Variants in SDCCAG8 observed in about 807,000 individuals in gnomAD.
The protein encoded by SDCCAG8 is serologically defined colon cancer antigen 8.
In SDCCAG8, 74 loss-of-function variants were observed where a neutral mutation model predicts 101.8. The observed-to-expected ratio is 0.73, with a 90% confidence interval of 0.60 to 0.88. The LOEUF is 0.88. SDCCAG8 is among the 40% of genes least tolerant of loss of function. The pLI, the probability that SDCCAG8 is intolerant of heterozygous loss-of-function variation, is 0.00. For synonymous variants in SDCCAG8, 281 were observed against 292.9 expected (o/e 0.96, Z 0.41); for missense variants, 787 against 822.6 (o/e 0.96, Z 0.53).
chr1:243,483,698 A>T (rs1664236949), intron 16 of SDCCAG8, among the ~76,000 whole-genome samples: 2 of 152,038 alleles, frequency 1.3e-5, no homozygotes, highest in Non-Finnish European at 1.5e-5. Flanking sequence ...CATTTCCCAC[A>T]AACCGGCCAC....
chr1:243,260,378 G>T (rs554755886), intron 1 of SDCCAG8, among the ~76,000 whole-genome samples: 2 of 152,154 alleles, frequency 1.3e-5, no homozygotes, highest in Non-Finnish European at 2.9e-5. Context: ...CAGAATGGCC[G>T]AGAACTACAT....
intron 16 of SDCCAG8, chr1:243,476,094 CT>C (rs1217382857): frequency 1.9e-5 from 19 of 985,468 alleles, no homozygotes; most frequent in Non-Finnish European, 2.3e-5. Context: ...GGAGGACCCC[CT>C]TTTACTGAAT....
In SDCCAG8 at chr1:243,304,739, A is replaced by G; in HGVS notation, c.702A>G (p.Glu234=). 1.3e-6 allele frequency: 2 copies of G among 1,595,470 alleles called. No individual in the cohort carries two copies. ...ELEKLKLTYE[E]KCEIEESQLK... is the part of the protein sequence containing the mutation. Reference sequence around the variant, plus strand: ...AGAAGCTAAAACTTACTTATGAGGAAAAGTGTGAAATTGAGGAATCCCAAT... The same window carrying G: ...AGAAGCTAAAACTTACTTATGAGGAGAAGTGTGAAATTGAGGAATCCCAAT... Residue 234 remains glutamate, a synonymous_variant, in exon 7 of 18, where the codon GAA becomes GAG. Transcript: ENST00000366541.
chr1:243,350,360 C>T (rs1185776800), intron 12 of SDCCAG8, among the ~76,000 whole-genome samples: 1 of 152,046 alleles, frequency 6.6e-6, no homozygotes, highest in Non-Finnish European at 1.5e-5. Flanking sequence ...GGGAGCACGC[C>T]ACCACCCCCA....
intron 6 of SDCCAG8, 142 bp from the exon 7 acceptor site, chr1:243,304,571 C>A: frequency 1.6e-6 from 1 of 618,048 alleles, no homozygotes. Context: ...TTCAAGTGGA[C>A]TAGGGAAAAT....
At chr1:243,425,963 C>T (rs565214429) in intron 15 of SDCCAG8, among the ~76,000 whole-genome samples, 8 of 152,088 alleles carry the variant, frequency 5.3e-5, no homozygotes, top group Non-Finnish European at 1.0e-4. Context: ...GCACCATGGC[C>T]CAAAGAAGTT....
At chr1:243,266,437 C>G (rs966287533) in intron 1 of SDCCAG8, among the ~76,000 whole-genome samples, 3 of 151,898 alleles carry the variant, frequency 2.0e-5, no homozygotes, top group Non-Finnish European at 4.4e-5. Context: ...TTGCCTCAGC[C>G]TCCCCAGCAG....
intron 16 of SDCCAG8, among the ~76,000 whole-genome samples, chr1:243,467,983 A>G (rs1660469396): frequency 6.6e-6 from 1 of 152,194 alleles, no homozygotes; most frequent in African/African-American, 2.4e-5. Flanking sequence ...TTCCTTATCA[A>G]ATGCCCAGTA....
At chr1:243,359,510 G>A (rs2076574694) in intron 12 of SDCCAG8, among the ~76,000 whole-genome samples, 1 of 152,162 alleles carries the variant, frequency 6.6e-6, no homozygotes, top group Admixed American at 6.5e-5. Flanking sequence ...GAACAAGAGT[G>A]GGAAGTGAAG....
intron 12 of SDCCAG8, among the ~76,000 whole-genome samples, chr1:243,377,438 A>G (rs999360499): frequency 6.6e-6 from 1 of 152,024 alleles, no homozygotes; most frequent in Non-Finnish European, 1.5e-5. Context: ...TAGTATTCCA[A>G]TTTGAAAGAT....
chr1:243,329,331 C>A (rs2074424736), intron 9 of SDCCAG8, among the ~76,000 whole-genome samples: 1 of 151,948 alleles, frequency 6.6e-6, no homozygotes, highest in Non-Finnish European at 1.5e-5. Context: ...TCAGAAGAGA[C>A]CAAAAGAAAC....
chr1:243,297,748 A>C (rs1468575210), intron 6 of SDCCAG8, among the ~76,000 whole-genome samples: 5 of 152,310 alleles, frequency 3.3e-5, no homozygotes, highest in East Asian at 3.9e-4. Flanking sequence ...TGAGCCGCCT[A>C]TTCAGATATC....
chr1:243,359,096 C>T lies in SDCCAG8; in HGVS notation c.1473+14765C>T, dbSNP rs567020328. Among the ~76,000 whole-genome samples the T allele has an allele frequency of 2.2e-4, 34 of 152,220 alleles. No homozygotes were observed. The South Asian group carries it at 7.1e-3, about 32-fold the overall frequency. ...TTCATGTCCAGGTAGAGATTTATTC[C>T]CTAGAGTAACTAAGGAGGAGGAGTG... On this transcript the variant is annotated intron_variant, in intron 12 of 17. Coordinates refer to ENST00000366541, the MANE Select transcript of SDCCAG8 (RefSeq NM_006642.5).
intron 12 of SDCCAG8, among the ~76,000 whole-genome samples, chr1:243,353,364 G>A (rs1291348688): frequency 1.3e-5 from 2 of 151,228 alleles, no homozygotes; most frequent in Non-Finnish European, 2.9e-5. Context: ...GGTGGCGCGC[G>A]CCTGTAATCC....
intron 16 of SDCCAG8, among the ~76,000 whole-genome samples, chr1:243,466,797 C>T (rs1660230972): frequency 6.6e-6 from 1 of 152,238 alleles, no homozygotes; most frequent in South Asian, 2.1e-4. Flanking sequence ...AGGGAAAGTT[C>T]ATTCTGCCCG....
At chr1:243,425,463 T>C (rs2081279877) in intron 15 of SDCCAG8, among the ~76,000 whole-genome samples, 1 of 152,130 alleles carries the variant, frequency 6.6e-6, no homozygotes, top group African/African-American at 2.4e-5. Flanking sequence ...ATCCAAATCC[T>C]TTTCTGACCA....
chr1:243,441,166 A>G (rs901241666), intron 16 of SDCCAG8, among the ~76,000 whole-genome samples: 1 of 152,180 alleles, frequency 6.6e-6, no homozygotes, highest in African/African-American at 2.4e-5. Flanking sequence ...CAACAAATGT[A>G]AATTTTAATA....
chr1:243,442,173 A>G (rs2082582296), intron 16 of SDCCAG8, among the ~76,000 whole-genome samples: 1 of 152,208 alleles, frequency 6.6e-6, no homozygotes, highest in African/African-American at 2.4e-5. Flanking sequence ...TGATTTTTAC[A>G]TCTATATCAA....
chr1:243,475,250 T>C (rs1662171637), intron 16 of SDCCAG8, among the ~76,000 whole-genome samples: 1 of 152,206 alleles, frequency 6.6e-6, no homozygotes, highest in Non-Finnish European at 1.5e-5. Flanking sequence ...GACGGACATA[T>C]AGCAGTGAAT....
Sources: allele counts gnomAD v4.1 joint callset (sites outside exome capture counted in the v4.1 genomes callset), GRCh38; gene constraint gnomAD v4.1.1; transcripts MANE v1.5; gene names NCBI Gene and HGNC (gene_info 2026-07-23, HGNC 2026-07-21).